Variants in IFI35 observed in about 807,000 individuals in gnomAD.
IFI35 encodes interferon induced protein 35, also known as interferon-induced 35 kDa protein.
IFI35 carries 30 observed loss-of-function variants against 28.6 expected under a neutral mutation model. That is an observed-to-expected ratio of 1.05 (90% CI 0.79 to 1.43). The LOEUF is 1.43. Ranked by LOEUF, IFI35 falls within the 40% of genes most tolerant of loss-of-function variation. The pLI is 0.00. For missense variants in IFI35, 372 were observed against 356.9 expected (o/e 1.04, Z -0.34); for synonymous variants, 146 against 154.8 (o/e 0.94, Z 0.42).
At chr17:43,011,737 C>T (rs1034020712) in intron 1 of IFI35, among the ~76,000 whole-genome samples, 2 of 152,122 alleles carry the variant, frequency 1.3e-5, no homozygotes, top group African/African-American at 4.8e-5. Flanking sequence ...TTGGAGGTGT[C>T]CCTAATTGGG....
At chr17:43,012,819 T>C in intron 2 of IFI35, 1 of 549,726 alleles carries the variant, frequency 1.8e-6, no homozygotes. Flanking sequence ...CTCCATTATG[T>C]TACTTGAACA....
intron 1 of IFI35, among the ~76,000 whole-genome samples, chr17:43,007,850 TATATATATA>T: frequency 5.6e-5 from 2 of 35,958 alleles, no homozygotes; most frequent in Admixed American, 5.6e-4. Flanking sequence ...ACAAAATTTA[TATATATATA>T]TATATATATA....
intron 1 of IFI35, among the ~76,000 whole-genome samples, chr17:43,009,539 G>A (rs1477824195): frequency 6.6e-6 from 1 of 151,830 alleles, no homozygotes; most frequent in Non-Finnish European, 1.5e-5. Flanking sequence ...TGGATCACGA[G>A]GTCAAGAGAT....
rs749685286 is a variant in IFI35, at chr17:43,006,988, T to C, written c.21+20T>C. The C allele has an allele frequency of 3.7e-6, 6 of 1,611,544 alleles. No homozygotes were observed. The highest frequency in any genetic ancestry group is 3.3e-5 in the Admixed American group (2 of 59,786). On this transcript the variant is annotated intron_variant, in intron 1 of 6. Transcript: ENST00000415816. ...GATGCCGTAAGTGAGGAGGAGGGAG[T>C]TGGGAAGTGGGGAAACAGGAGTAAT...
intron 1 of IFI35, among the ~76,000 whole-genome samples, chr17:43,008,356 T>C (rs2050428242): frequency 7.1e-6 from 1 of 140,284 alleles, no homozygotes; most frequent in Non-Finnish European, 1.5e-5. Context: ...TTTTTTTTTT[T>C]TTTTTTTTTG....
At chr17:43,013,394 T>C (rs906327387) in intron 4 of IFI35, 21 bp downstream of exon 4, 9 of 1,613,058 alleles carry the variant, frequency 5.6e-6, no homozygotes, top group Non-Finnish European at 7.6e-6. Flanking sequence ...GACAGAATCC[T>C]GGGGCATGCA....
intron 1 of IFI35, among the ~76,000 whole-genome samples, chr17:43,007,836 A>C (rs1261853109): frequency 1.3e-5 from 1 of 75,116 alleles, no homozygotes; most frequent in African/African-American, 6.1e-5. Context: ...ACACACACAC[A>C]CACACAAAAT....
At position 43,014,246 on chromosome 17, in the gene IFI35, G is replaced by C. The variant is rs762451969; in HGVS notation, c.808G>C (p.Val270Leu). 2 of 1,608,504 alleles carry C rather than the reference G, an allele frequency of 1.2e-6. No individual in the cohort carries two copies. The highest frequency in any genetic ancestry group is 1.7e-5 in the Admixed American group (1 of 59,480). The change falls in exon 7 of 7, where the codon GTC becomes CTC. Residue 270 changes from valine (V) to leucine (L), a missense_variant. Physicochemically the swap from Val to Leu is conservative, Grantham distance 32. Coordinates refer to ENST00000415816, the MANE Select transcript of IFI35 (RefSeq NM_001330230.2). ...RGGGEVEALT[V>L]VPQGQQGLAV... ...GGGCGGGGAGGTAGAGGCCCTGACAGTCGTACCCCAAGGACAGCAGGGCCT... is the reference window on the plus strand; with the variant it reads ...GGGCGGGGAGGTAGAGGCCCTGACACTCGTACCCCAAGGACAGCAGGGCCT...
chr17:43,012,092 C>T (rs1022162207), intron 1 of IFI35, 87 bp from the exon 2 acceptor site: 6 of 896,234 alleles, frequency 6.7e-6, no homozygotes, highest in Admixed American at 5.4e-5. Context: ...GCTTTTGGAG[C>T]GTCCAGAATA....
Position 43,012,223 on chromosome 17 carries a change from G to T in IFI35, c.66G>T (p.Arg22Ser). The T allele has an allele frequency of 6.3e-7, 1 of 1,579,716 alleles. No individual in the cohort carries two copies. The highest frequency in any genetic ancestry group is 8.6e-7 in the Non-Finnish European group (1 of 1,162,402). ...LQEEQARLKM[R>S]LWDLQQLRKE... ...AGGAGCAGGCCAGACTCAAGATGAG[G>T]CTGTGGGACCTGCAGCAGCTGAGAA... The change falls in exon 2 of 7, where the codon AGG (arginine) becomes AGT (serine). Residue 22 changes from arginine to serine, a missense_variant. Transcript: ENST00000415816.
intron 1 of IFI35, among the ~76,000 whole-genome samples, chr17:43,009,449 T>G (rs558184652): frequency 6.6e-6 from 1 of 152,096 alleles, no homozygotes; most frequent in East Asian, 1.9e-4. Context: ...TGAAACCCCA[T>G]CTCTACTAAA....
intron 1 of IFI35, 28 bp from the exon 2 acceptor site, chr17:43,012,151 G>A (rs2050464825): frequency 6.7e-7 from 1 of 1,503,488 alleles, no homozygotes; most frequent in East Asian, 2.5e-5. Flanking sequence ...GCGGGTAGAA[G>A]TCTTGTTGTT....
rs144318558 is a variant in IFI35 at position 43,014,376 on chromosome 17, G to A, written c.*77G>A. The A allele has an allele frequency of 2.9e-6, 3 of 1,023,276 alleles. No individual in the cohort carries two copies. The highest frequency in any genetic ancestry group is 3.4e-5 in the South Asian group (2 of 59,626). The allele number at this position is 1,023,276 out of a possible 1,614,324, so 63.4% of individuals were successfully genotyped here. A position where few individuals can be genotyped will look rare whatever the true frequency, so the allele number is the denominator to read the frequency against. ...CCTGGGCTTGGGTGCCCATATAGGA[G>A]GTCTGTATGTTCACCAACAGTGCGG... On this transcript the variant is annotated 3_prime_UTR_variant, in exon 7 of 7. Transcript: ENST00000415816.
rs190088757 is a variant in IFI35, at chr17:43,010,394, A to C, written c.22-1785A>C. Among the ~76,000 whole-genome samples the C allele has an allele frequency of 4.3e-4, 66 of 152,318 alleles. No homozygotes were observed. In the East Asian group the frequency reaches 0.012, roughly 28 times the overall value. On this transcript the variant is annotated intron_variant, in intron 1 of 6. Coordinates refer to ENST00000415816, the MANE Select transcript of IFI35 (RefSeq NM_001330230.2). ...GGTGGCATTGAGACTTTGTCTCAAAAAACAAAACAAAACAAAAACATGGGT... is the reference window on the plus strand; with the variant it reads ...GGTGGCATTGAGACTTTGTCTCAAACAACAAAACAAAACAAAAACATGGGT...
rs746151762 is a variant in IFI35, at chr17:43,014,123, G to T, written c.685G>T (p.Val229Phe). The T allele has an allele frequency of 2.5e-6, 4 of 1,613,892 alleles. No homozygotes were observed. Among genetic ancestry groups the T allele is most frequent in the Non-Finnish European group, 3.4e-6 (4 of 1,179,978 alleles). Residue 229 changes from valine to phenylalanine, a missense_variant, in exon 7 of 7, where the codon GTT becomes TTT. Coordinates refer to ENST00000415816, the MANE Select transcript of IFI35 (RefSeq NM_001330230.2). ...CCTTTTCCAGATCAGGTCGCAGCCA[G>T]TTCCCCGCTCGGTACTGGTGCTCAA... ...IQKAEIRSQP[V>F]PRSVLVLNIP...
rs1407801046 is a variant in IFI35, at chr17:43,006,870, C to G, written c.-78C>G. 2 of 1,520,642 alleles carry G rather than the reference C, an allele frequency of 1.3e-6. No homozygotes were observed. The highest frequency in any genetic ancestry group is 1.7e-5 in the Admixed American group (1 of 59,888). 94.2% of individuals were successfully genotyped at this position (1,520,642 alleles called of 1,614,324 possible). A position where few individuals can be genotyped will look rare whatever the true frequency, so the allele number is the denominator to read the frequency against. ...ACCACAGCCCTTTGGGGGGTACAAA[C>G]AAGAGTTCAGTTGCTGTGAATTCTG... On this transcript the variant is annotated 5_prime_UTR_variant, in exon 1 of 7. Coordinates refer to ENST00000415816, the MANE Select transcript of IFI35 (RefSeq NM_001330230.2).
At chr17:43,009,426 C>G (rs1488344395) in intron 1 of IFI35, among the ~76,000 whole-genome samples, 1 of 152,094 alleles carries the variant, frequency 6.6e-6, no homozygotes, top group Non-Finnish European at 1.5e-5. Flanking sequence ...TGAGACCAGC[C>G]TGGCCAACAT....
intron 1 of IFI35, among the ~76,000 whole-genome samples, chr17:43,010,857 G>T (rs1316493797): frequency 6.6e-6 from 1 of 152,202 alleles, no homozygotes; most frequent in Non-Finnish European, 1.5e-5. Context: ...CTTTCCAAGA[G>T]ATCTCATGCT....
rs1491453151 is a variant in IFI35, at chr17:43,007,872, T to TATATATAC, written c.21+905_21+906insTATATACA. Among the ~76,000 whole-genome samples, 74 of 136,582 alleles carry TATATATAC rather than the reference T, an allele frequency of 5.4e-4. 1 individual carries two copies. Among genetic ancestry groups the TATATATAC allele is most frequent in the African/African-American group, 1.9e-3 (71 of 36,792 alleles). The allele number at this position is 136,582 out of a possible 152,430, so 89.6% of individuals were successfully genotyped here. On this transcript the variant is annotated intron_variant, in intron 1 of 6. Coordinates refer to ENST00000415816, the MANE Select transcript of IFI35 (RefSeq NM_001330230.2). ...TTATATATATATATATATATATATA[T>TATATATAC]ACTATAAGAATTATACTTTAAGAAT...
Sources: allele counts gnomAD v4.1 joint callset (sites outside exome capture counted in the v4.1 genomes callset), GRCh38; gene constraint gnomAD v4.1.1; transcripts MANE v1.5; gene names NCBI Gene and HGNC (gene_info 2026-07-23, HGNC 2026-07-21).